Variants in FRMD4A observed in about 807,000 individuals in gnomAD.
The protein encoded by FRMD4A is FERM domain-containing protein 4A.
FRMD4A carries 29 observed loss-of-function variants against 129.1 expected under a neutral mutation model. That is an observed-to-expected ratio of 0.22 (90% confidence interval 0.17 to 0.31). The LOEUF is 0.31. Among genes scored for constraint, FRMD4A ranks in the 10% least tolerant of loss-of-function variants. The probability of loss-of-function intolerance (pLI) is 1.00; values close to 1 mark genes in which losing one functional copy is unlikely to be tolerated. For synonymous variants in FRMD4A, 634 were observed against 571.6 expected, an observed-to-expected ratio of 1.11 and a Z score of -1.56; for missense variants, 1,272 against 1,375.8, an observed-to-expected ratio of 0.92 and a Z score of 1.19.
intron 4 of FRMD4A, among the ~76,000 whole-genome samples, chr10:13,799,710 T>C (rs536839581): frequency 5.6e-4 from 86 of 152,246 alleles, no homozygotes; most frequent in African/African-American, 2.0e-3. Flanking sequence ...GAACTGTCTC[T>C]CCATCCCTTT....
At chr10:13,813,841 T>C (rs2141463) in intron 3 of FRMD4A, among the ~76,000 whole-genome samples, 2,220 of 152,326 alleles carry the variant, frequency 0.015, 125 homozygotes, top group East Asian at 0.14. Context: ...TAAAAGTACA[T>C]TGCTTTTGCA....
intron 8 of FRMD4A, among the ~76,000 whole-genome samples, chr10:13,755,666 T>A (rs2091829601): frequency 6.6e-6 from 1 of 152,226 alleles, no homozygotes; most frequent in Non-Finnish European, 1.5e-5. Flanking sequence ...ATTGTTCTGT[T>A]TCTAAAAGCA....
chr10:13,763,678 T>C (rs776349610), intron 6 of FRMD4A, among the ~76,000 whole-genome samples: 3 of 152,198 alleles, frequency 2.0e-5, no homozygotes, highest in Non-Finnish European at 4.4e-5. Context: ...TCTCTCTCTC[T>C]TTATATTTAT....
intron 2 of FRMD4A, among the ~76,000 whole-genome samples, chr10:14,169,891 C>T (rs1230587736): frequency 6.6e-6 from 1 of 152,076 alleles, no homozygotes; most frequent in African/African-American, 2.4e-5. Context: ...CCACAGTCAT[C>T]CCACTCAGGC....
chr10:13,765,330 T>C (rs2092249649), intron 6 of FRMD4A, among the ~76,000 whole-genome samples: 1 of 152,114 alleles, frequency 6.6e-6, no homozygotes, highest in African/African-American at 2.4e-5. Flanking sequence ...TTGGCCAGGC[T>C]GGTCTCGAAC....
intron 15 of FRMD4A, among the ~76,000 whole-genome samples, chr10:13,690,680 T>G (rs1361156389): frequency 6.6e-6 from 1 of 152,176 alleles, no homozygotes; most frequent in Non-Finnish European, 1.5e-5. Context: ...CTTGCTCAGC[T>G]GTGCAGCTGC....
intron 2 of FRMD4A, among the ~76,000 whole-genome samples, chr10:14,272,403 A>C (rs900734479): frequency 3.9e-5 from 6 of 152,190 alleles, no homozygotes; most frequent in Non-Finnish European, 7.3e-5. Context: ...TGTCTCTGCC[A>C]ATCTATGACC....
Position 14,045,027 on chromosome 10 carries a change from C to T in FRMD4A, c.46-186115G>A, listed in dbSNP as rs147956622. On this transcript the variant is annotated intron_variant, in intron 2 of 24. Transcript: ENST00000357447. ...AAGTAATCTTCCCACCTCAGCCTCC[C>T]GAGTAGCTGGGACTACAGGCACCCA... 2.2e-3 allele frequency among the ~76,000 whole-genome samples: 336 copies of T among 152,156 alleles called. 2 individuals are homozygous for T. Among genetic ancestry groups the T allele is most frequent in the African/African-American group, 7.5e-3 (312 of 41,492 alleles).
intron 2 of FRMD4A, among the ~76,000 whole-genome samples, chr10:14,151,258 C>A (rs12249035): frequency 4.6e-5 from 7 of 152,144 alleles, no homozygotes; most frequent in Admixed American, 6.5e-5. Flanking sequence ...ATGTAAGCAA[C>A]CTAAGGGTCC....
chr10:13,676,345 T>G (rs1445781722), intron 15 of FRMD4A, among the ~76,000 whole-genome samples: 1 of 151,716 alleles, frequency 6.6e-6, no homozygotes, highest in Non-Finnish European at 1.5e-5. Context: ...CACTGCAACC[T>G]CCGCCTCCTA....
intron 16 of FRMD4A, among the ~76,000 whole-genome samples, chr10:13,673,769 CTTTTTTTTTTTT>C (rs1156236426): frequency 2.1e-5 from 2 of 94,286 alleles, no homozygotes; most frequent in African/African-American, 9.3e-5. Context: ...GAAAGCATTG[CTTTTTTTTTTTT>C]TTTTTTTTTT....
At position 13,654,613 on chromosome 10, in the gene FRMD4A, G is replaced by A. The variant is rs542378017; in HGVS notation, c.2954-101C>T. 2.2e-5 allele frequency: 16 copies of A among 720,306 alleles called. 1 individual carries two copies. The South Asian group carries it at 2.5e-4, about 11-fold the overall frequency. The allele number at this position is 720,306 out of a possible 1,614,324, so 44.6% of individuals were successfully genotyped here. On this transcript the variant is annotated intron_variant, in intron 22 of 24. Coordinates refer to ENST00000357447, the MANE Select transcript of FRMD4A (RefSeq NM_018027.5). The stretch of plus-strand genomic sequence containing the variant: ...GCTGACACCAACCCAGTGGCCAGAG[G>A]TCACCATTTCCAGGGATGCTGGGAA...
At chr10:14,098,865 G>A (rs530624431) in intron 2 of FRMD4A, among the ~76,000 whole-genome samples, 5 of 152,246 alleles carry the variant, frequency 3.3e-5, no homozygotes, top group South Asian at 2.1e-4. Flanking sequence ...ACAACATAGC[G>A]GGCGTGCATA....
chr10:13,809,057 G>A (rs186343353), intron 4 of FRMD4A, among the ~76,000 whole-genome samples: 2 of 152,336 alleles, frequency 1.3e-5, no homozygotes, highest in East Asian at 3.9e-4. Flanking sequence ...GACATGGAGT[G>A]TACCAGCTTA....
At chr10:14,100,164 T>A (rs543955711) in intron 2 of FRMD4A, among the ~76,000 whole-genome samples, 2 of 152,370 alleles carry the variant, frequency 1.3e-5, no homozygotes, top group East Asian at 1.9e-4. Flanking sequence ...ACTGTCTCGA[T>A]TTCCAGTGTC....
At chr10:13,654,598 AC>A in intron 22 of FRMD4A, 86 bp from the exon 23 acceptor site, 3 of 817,220 alleles carry the variant, frequency 3.7e-6, no homozygotes, top group Non-Finnish European at 6.2e-6. Flanking sequence ...GCTGACACCA[AC>A]CCAGTGGCCA....
At chr10:14,118,767 G>A (rs1336345175) in intron 2 of FRMD4A, among the ~76,000 whole-genome samples, 1 of 152,082 alleles carries the variant, frequency 6.6e-6, no homozygotes, top group Admixed American at 6.6e-5. Context: ...ACAGTACGGG[G>A]GAAACTGCTC....
At chr10:14,039,996 T>C (rs1194228276) in intron 2 of FRMD4A, among the ~76,000 whole-genome samples, 1 of 152,230 alleles carries the variant, frequency 6.6e-6, no homozygotes, top group African/African-American at 2.4e-5. Flanking sequence ...TAATCTTTGC[T>C]TTGTGCTAGG....
intron 2 of FRMD4A, among the ~76,000 whole-genome samples, chr10:14,261,817 C>T (rs533916943): frequency 6.6e-6 from 1 of 152,020 alleles, no homozygotes; most frequent in Non-Finnish European, 1.5e-5. Flanking sequence ...AACGTAGAAA[C>T]TGTAAAGGTC....
Sources: gnomAD v4.1 joint callset for allele counts (sites outside exome capture counted in the v4.1 genomes callset) on GRCh38, gnomAD v4.1.1 for gene constraint, MANE v1.5 for transcripts, NCBI Gene and HGNC (gene_info 2026-07-23, HGNC 2026-07-21) for gene names.